Variants in CNTN1 observed in about 807,000 individuals in gnomAD.
CNTN1 encodes contactin 1.
CNTN1 carries 38 observed loss-of-function variants against 126.4 expected under a neutral mutation model. That is an observed-to-expected ratio of 0.30 (90% CI 0.23 to 0.39). CNTN1 has a LOEUF of 0.39. Among genes scored for constraint, CNTN1 ranks in the 10% least tolerant of loss-of-function variants. CNTN1 has a pLI of 1.00. For missense variants in CNTN1, 1,009 were observed against 1,248.4 expected, an observed-to-expected ratio of 0.81 and a Z score of 2.89; for synonymous variants, 413 against 422.6, an observed-to-expected ratio of 0.98 and a Z score of 0.28.
intron 14 of CNTN1, among the ~76,000 whole-genome samples, chr12:40,954,190 C>A (rs540291024): frequency 1.3e-5 from 2 of 151,944 alleles, no homozygotes; most frequent in Non-Finnish European, 2.9e-5. Flanking sequence ...AGACATTATT[C>A]TTTCCAAATA....
At chr12:41,021,705 T>C (rs544724462) in intron 20 of CNTN1, among the ~76,000 whole-genome samples, 33 of 151,222 alleles carry the variant, frequency 2.2e-4, no homozygotes, top group African/African-American at 8.0e-4. Context: ...AGATCATCTA[T>C]GCAAGGGTTC....
chr12:40,923,217 A>G (rs1019813159), intron 5 of CNTN1, among the ~76,000 whole-genome samples: 1 of 152,134 alleles, frequency 6.6e-6, no homozygotes, highest in Non-Finnish European at 1.5e-5. Context: ...TTTAAATTAC[A>G]TGAAACATTT....
At chr12:40,818,729 T>G (rs1941337309) in intron 1 of CNTN1, among the ~76,000 whole-genome samples, 1 of 152,172 alleles carries the variant, frequency 6.6e-6, no homozygotes, top group Non-Finnish European at 1.5e-5. Flanking sequence ...GATGCTGCAA[T>G]TATTTGGGGG....
intron 23 of CNTN1, among the ~76,000 whole-genome samples, chr12:41,038,015 G>A (rs961516163): frequency 9.9e-5 from 15 of 151,930 alleles, no homozygotes; most frequent in African/African-American, 2.7e-4. Context: ...AAAATTAGCC[G>A]GGCATGGTGG....
chr12:40,930,083 A>G lies in CNTN1; in HGVS notation c.703+81A>G, dbSNP rs1945831554. On this transcript the variant is annotated intron_variant, in intron 7 of 23. Coordinates refer to ENST00000551295, the MANE Select transcript of CNTN1 (RefSeq NM_001843.4). ...CTTACCGTAATGAAAAGAAATATCC[A>G]GTGAAGACTAGCTGACTTTTCAGGA... The G allele has an allele frequency of 1.2e-5, 14 of 1,134,160 alleles. No homozygotes were observed. In the South Asian group the frequency reaches 1.6e-4, roughly 13 times the overall value. The allele number at this position is 1,134,160 out of a possible 1,614,324, so 70.3% of individuals were successfully genotyped here. A position where few individuals can be genotyped will look rare whatever the true frequency, so the allele number is the denominator to read the frequency against.
intron 23 of CNTN1, among the ~76,000 whole-genome samples, chr12:41,049,903 AT>A (rs1949633021): frequency 6.6e-6 from 1 of 152,192 alleles, no homozygotes; most frequent in African/African-American, 2.4e-5. Flanking sequence ...GATGTCTGTA[AT>A]TTTTTTGTTT....
intron 17 of CNTN1, among the ~76,000 whole-genome samples, chr12:40,998,926 T>A (rs776888359): frequency 3.3e-5 from 5 of 152,270 alleles, no homozygotes; most frequent in Non-Finnish European, 7.4e-5. Context: ...TAACAAGAAT[T>A]AAAGTAGTCA....
At chr12:41,033,346 T>A (rs1453110007) in intron 23 of CNTN1, among the ~76,000 whole-genome samples, 1 of 152,186 alleles carries the variant, frequency 6.6e-6, no homozygotes, top group African/African-American at 2.4e-5. Context: ...TAGCTATAAT[T>A]TTCAATATTA....
chr12:41,057,887 T>G (rs1470248389), intron 23 of CNTN1, among the ~76,000 whole-genome samples: 1 of 152,012 alleles, frequency 6.6e-6, no homozygotes, highest in Non-Finnish European at 1.5e-5. Flanking sequence ...ATACTGGAGA[T>G]CAAATCAGTT....
intron 15 of CNTN1, chr12:40,971,916 A>G (rs1947526509): frequency 1.3e-5 from 14 of 1,041,642 alleles, no homozygotes; most frequent in Non-Finnish European, 1.6e-5. Context: ...GCAGGTAATG[A>G]ACAATGTTGT....
chr12:40,939,577 T>A, intron 12 of CNTN1, 92 bp downstream of exon 12: 1 of 1,466,708 alleles, frequency 6.8e-7, no homozygotes, highest in East Asian at 2.5e-5. Flanking sequence ...ATGAAAATGT[T>A]TTTTGCTCTG....
intron 3 of CNTN1, among the ~76,000 whole-genome samples, chr12:40,913,565 A>G (rs1349769586): frequency 6.6e-6 from 1 of 152,242 alleles, no homozygotes; most frequent in Non-Finnish European, 1.5e-5. Context: ...TTGAGGTGAC[A>G]TATAATAGAC....
At chr12:40,869,009 T>C (rs1004679114) in intron 1 of CNTN1, among the ~76,000 whole-genome samples, 1 of 151,976 alleles carries the variant, frequency 6.6e-6, no homozygotes, top group African/African-American at 2.4e-5. Context: ...CAGATTTTTT[T>C]CAGAAATATT....
At chr12:40,766,272 A>G (rs1160289126) in intron 1 of CNTN1, among the ~76,000 whole-genome samples, 2 of 151,360 alleles carry the variant, frequency 1.3e-5, no homozygotes, top group African/African-American at 4.9e-5. Flanking sequence ...CAGGAGAGTC[A>G]CTTGAACCCG....
At chr12:40,911,362 G>A (rs1468284052) in intron 3 of CNTN1, among the ~76,000 whole-genome samples, 2 of 152,162 alleles carry the variant, frequency 1.3e-5, no homozygotes, top group Admixed American at 1.3e-4. Context: ...TTACAGGCGT[G>A]AGCCACCGTG....
In CNTN1 at chr12:40,780,699, A is replaced by AC. The variant is rs1316730373; in HGVS notation, c.-77+88107_-77+88108insC. ...GATTCCATCTAAGAAAAAAAAAAAAAAAAACACCAATCCTCATTTCAAGGT... is the reference window on the plus strand; with the variant it reads ...GATTCCATCTAAGAAAAAAAAAAAAACAAAACACCAATCCTCATTTCAAGGT... On this transcript the variant is annotated intron_variant, in intron 1 of 23. Transcript: ENST00000551295. Among the ~76,000 whole-genome samples the AC allele has an allele frequency of 1.7e-4, 25 of 150,590 alleles. No individual in the cohort carries two copies. The South Asian group carries it at 4.4e-3, about 27-fold the overall frequency.
intron 1 of CNTN1, among the ~76,000 whole-genome samples, chr12:40,901,918 G>T (rs768244987): frequency 1.3e-5 from 2 of 152,172 alleles, no homozygotes; most frequent in Non-Finnish European, 2.9e-5. Context: ...AGAGTGTAAA[G>T]AAATCAGTGT....
At chr12:40,901,271 C>G (rs897242923) in intron 1 of CNTN1, among the ~76,000 whole-genome samples, 2 of 152,104 alleles carry the variant, frequency 1.3e-5, no homozygotes, top group Non-Finnish European at 2.9e-5. Flanking sequence ...AAAATCCGTT[C>G]TTGATCTAGA....
chr12:40,753,533 CAAG>C (rs1178539496), intron 1 of CNTN1, among the ~76,000 whole-genome samples: 3 of 152,154 alleles, frequency 2.0e-5, no homozygotes, highest in Non-Finnish European at 2.9e-5. Context: ...ATGGTGGCAG[CAAG>C]AAGAAGTGCC....
Sources: gnomAD v4.1 joint callset for allele counts (sites outside exome capture counted in the v4.1 genomes callset) on GRCh38, gnomAD v4.1.1 for gene constraint, MANE v1.5 for transcripts, NCBI Gene and HGNC (gene_info 2026-07-23, HGNC 2026-07-21) for gene names.